The following SUGCT variants were observed in gnomAD, a reference collection of about 807,000 sequenced individuals.
SUGCT encodes succinyl-CoA:glutarate-CoA transferase, also known as succinyl-CoA:glutarate CoA-transferase.
A neutral mutation model predicts 55.0 loss-of-function variants in SUGCT; 41 were observed. That is an observed-to-expected ratio of 0.74 (90% CI 0.58 to 0.97). SUGCT has a LOEUF of 0.97. SUGCT is among the 50% of genes least tolerant of loss of function. The pLI is 0.00. For missense variants in SUGCT, 568 were observed against 547.8 expected (o/e 1.04, Z -0.37); for synonymous variants, 187 against 200.4 (o/e 0.93, Z 0.56).
At chr7:40,498,433 C>CA (rs2151523220) in intron 12 of SUGCT, among the ~76,000 whole-genome samples, 1 of 152,208 alleles carries the variant, frequency 6.6e-6, no homozygotes, top group East Asian at 1.9e-4. Context: ...GCAAGTTTTC[C>CA]AAATAATCAA....
chr7:40,879,218 A>G, the SUGCT span, among the ~76,000 whole-genome samples: 2 of 152,220 alleles, frequency 1.3e-5, no homozygotes, highest in African/African-American at 4.8e-5. Context: ...TAATTTATTC[A>G]CTATGATTTA....
chr7:40,376,890 T>C (rs943533410), intron 9 of SUGCT, among the ~76,000 whole-genome samples: 2 of 152,004 alleles, frequency 1.3e-5, no homozygotes, highest in African/African-American at 4.8e-5. Flanking sequence ...GTCATTATTT[T>C]ATTTGCATTT....
chr7:40,531,224 G>A (rs752543429), intron 12 of SUGCT, among the ~76,000 whole-genome samples: 1 of 152,150 alleles, frequency 6.6e-6, no homozygotes, highest in Non-Finnish European at 1.5e-5. Context: ...CTGAAAAGTA[G>A]GATTTAGGGG....
chr7:40,679,157 G>A (rs1784132213), intron 12 of SUGCT, among the ~76,000 whole-genome samples: 2 of 152,288 alleles, frequency 1.3e-5, no homozygotes, highest in South Asian at 4.1e-4. Flanking sequence ...CGTCTCTGTA[G>A]TATGTCTACC....
chr7:40,182,667 G>C (rs1785286222), intron 3 of SUGCT, among the ~76,000 whole-genome samples: 1 of 152,206 alleles, frequency 6.6e-6, no homozygotes. Context: ...CTTTGCCTGG[G>C]CTTATTTAAT....
rs58790754 is a variant in SUGCT at position 40,667,106 on chromosome 7, C to CAA, written c.1090-82312_1090-82311dup. On this transcript the variant is annotated intron_variant, in intron 12 of 13. Coordinates refer to ENST00000335693, the MANE Select transcript of SUGCT (RefSeq NM_001193313.2). ...TAGATGACACAGCTAGATCCTATCT[C>CAA]AAAAAAAAAAAAAAAAATGCTCATT... 7.3e-3 allele frequency among the ~76,000 whole-genome samples: 722 copies of CAA among 98,356 alleles called. 12 individuals carry two copies. The highest frequency in any genetic ancestry group is 0.021 in the African/African-American group (630 of 29,968). The allele number at this position is 98,356 out of a possible 152,430, so 64.5% of individuals were successfully genotyped here. A position where few individuals can be genotyped will look rare whatever the true frequency, so the allele number is the denominator to read the frequency against.
At chr7:40,399,310 G>C (rs911485107) in intron 9 of SUGCT, among the ~76,000 whole-genome samples, 1 of 152,122 alleles carries the variant, frequency 6.6e-6, no homozygotes, top group Non-Finnish European at 1.5e-5. Flanking sequence ...TAAACCCTGA[G>C]AGGATTTAAG....
chr7:40,235,516 G>A (rs146133916), intron 6 of SUGCT, among the ~76,000 whole-genome samples: 2,472 of 152,150 alleles, frequency 0.016, 56 homozygotes, highest in African/African-American at 0.057. Flanking sequence ...CAGTAGAGAC[G>A]GGGTTTCACC....
chr7:40,415,060 AAATCTATCTATCTATCTATCTATCTATCT>A (rs1786902402), intron 9 of SUGCT, among the ~76,000 whole-genome samples: 1 of 83,084 alleles, frequency 1.2e-5, no homozygotes, highest in African/African-American at 4.2e-5. Context: ...AAAAAAAAAA[AAATCTATCTATCTATCTATCTATCTATCT>A]ATCTATCTAT....
At chr7:40,565,197 C>T (rs761512086) in intron 12 of SUGCT, among the ~76,000 whole-genome samples, 6 of 152,164 alleles carry the variant, frequency 3.9e-5, no homozygotes, top group Non-Finnish European at 8.8e-5. Flanking sequence ...ATTACTCATG[C>T]CTTCTTGAGA....
intron 12 of SUGCT, among the ~76,000 whole-genome samples, chr7:40,654,609 G>A (rs750275537): frequency 6.6e-6 from 1 of 152,128 alleles, no homozygotes; most frequent in South Asian, 2.1e-4. Context: ...TTTAAATATC[G>A]ATTTAATCTC....
chr7:40,312,674 C>T (rs898106623), intron 8 of SUGCT, among the ~76,000 whole-genome samples: 1 of 152,094 alleles, frequency 6.6e-6, no homozygotes, highest in Non-Finnish European at 1.5e-5. Flanking sequence ...TGTATTCATT[C>T]GGGGGCAGGA....
chr7:40,367,607 G>T (rs1277512214), intron 9 of SUGCT, among the ~76,000 whole-genome samples: 2 of 151,956 alleles, frequency 1.3e-5, no homozygotes, highest in African/African-American at 4.8e-5. Flanking sequence ...AGCACCACTT[G>T]CCAGAAATAG....
At position 40,592,369 on chromosome 7, in the gene SUGCT, C is replaced by T. The variant is rs1258333818; in HGVS notation, c.1089+95983C>T. On this transcript the variant is annotated intron_variant, in intron 12 of 13. Transcript: ENST00000335693. ...TTTGCAGACCATAAGATGAGGCATC[C>T]TTAGAGCACTGGTTGTTTGTCTGGA... Among the ~76,000 whole-genome samples the T allele has an allele frequency of 2.0e-5, 3 of 152,162 alleles. No homozygotes were observed. The East Asian group carries it at 5.8e-4, about 29-fold the overall frequency.
chr7:40,951,477 G>A, the SUGCT span, among the ~76,000 whole-genome samples: 10 of 151,908 alleles, frequency 6.6e-5, no homozygotes, highest in African/African-American at 1.7e-4. Context: ...GATCTTAGTT[G>A]TTTCTTGCCT....
chr7:40,252,676 C>G (rs13244273), intron 7 of SUGCT, among the ~76,000 whole-genome samples: 23,446 of 151,946 alleles, frequency 0.15, 2,270 homozygotes, highest in South Asian at 0.23. Context: ...GAAATAGGGT[C>G]TTGCTGTGTC....
the SUGCT span, among the ~76,000 whole-genome samples, chr7:40,902,961 G>A: frequency 3.9e-5 from 6 of 151,918 alleles, no homozygotes; most frequent in African/African-American, 1.4e-4. Context: ...AGCTTTGAAA[G>A]ATAAATTATT....
intron 8 of SUGCT, among the ~76,000 whole-genome samples, chr7:40,285,830 A>G (rs556841244): frequency 4.6e-5 from 7 of 152,300 alleles, no homozygotes; most frequent in Admixed American, 2.6e-4. Flanking sequence ...GACCTTAGTT[A>G]CCTGGAGAGC....
At chr7:40,577,347 T>C (rs886859456) in intron 12 of SUGCT, among the ~76,000 whole-genome samples, 1 of 151,956 alleles carries the variant, frequency 6.6e-6, no homozygotes, top group Non-Finnish European at 1.5e-5. Flanking sequence ...TTAGTTCTAA[T>C]ATCTGGGTAT....
Sources: gnomAD v4.1 joint callset for allele counts (sites outside exome capture counted in the v4.1 genomes callset) on GRCh38, gnomAD v4.1.1 for gene constraint, MANE v1.5 for transcripts, NCBI Gene and HGNC (gene_info 2026-07-23, HGNC 2026-07-21) for gene names.